The following KDM4B variants were observed in gnomAD, a reference collection of about 807,000 sequenced individuals.
The protein encoded by KDM4B is lysine demethylase 4B, also known as lysine-specific demethylase 4B.
In KDM4B, 32 loss-of-function variants were observed where a neutral mutation model predicts 125.2. That is an observed-to-expected ratio of 0.26 (90% CI 0.19 to 0.34). The LOEUF (loss-of-function observed/expected upper bound fraction) is 0.34. KDM4B is among the 10% of genes least tolerant of loss of function. The probability of loss-of-function intolerance (pLI) is 1.00; values close to 1 mark genes in which losing one functional copy is unlikely to be tolerated. For synonymous variants in KDM4B, 721 were observed against 677.9 expected (o/e 1.06, Z -0.99); for missense variants, 1,190 against 1,577.7 (o/e 0.75, Z 4.16).
chr19:5,118,204 G>A (rs959363206), intron 10 of KDM4B, among the ~76,000 whole-genome samples: 1 of 152,238 alleles, frequency 6.6e-6, no homozygotes, highest in Admixed American at 6.5e-5. Flanking sequence ...GGTCCTTGGA[G>A]GGGCAGCTGC....
intron 5 of KDM4B, 46 bp downstream of exon 5, chr19:5,041,297 G>A: frequency 6.8e-7 from 1 of 1,467,000 alleles, no homozygotes; most frequent in Non-Finnish European, 9.5e-7. Flanking sequence ...CTTCCTGGTG[G>A]GTGGTGGTGG....
chr19:5,080,207 G>A lies in KDM4B; in HGVS notation c.781-2160G>A, dbSNP rs553986090. Among the ~76,000 whole-genome samples, 217 of 152,356 alleles carry A rather than the reference G, an allele frequency of 1.4e-3. 2 individuals are homozygous for A. The highest frequency in any genetic ancestry group is 3.4e-3 in the Middle Eastern group (1 of 294). The stretch of plus-strand genomic sequence containing the variant: ...AATATCACAGTGTTCTTAAGGACTG[G>A]CATTTTTCCAAGCTGTGTCAGTTTT... On this transcript the variant is annotated intron_variant, in intron 8 of 22. Transcript: ENST00000159111.
chr19:5,131,661 A>AGGGGGGGTGGGGCCGGGGAGGAGGGGG, intron 12 of KDM4B, 116 bp downstream of exon 12: 2 of 191,680 alleles, frequency 1.0e-5, no homozygotes, highest in Non-Finnish European at 1.8e-5. Context: ...GGAGGAGGGG[A>AGGGGGGGTGGGGCCGGGGAGGAGGGGG]CAGGAGGGCT....
At chr19:5,064,596 C>G (rs79484674) in intron 6 of KDM4B, among the ~76,000 whole-genome samples, 7,128 of 152,206 alleles carry the variant, frequency 0.047, 230 homozygotes, top group Non-Finnish European at 0.074. Context: ...GAAAGCTACA[C>G]GAATCTTAAA....
chr19:5,043,978 G>T lies in KDM4B; in HGVS notation c.432+2727G>T, dbSNP rs546392250. On this transcript the variant is annotated intron_variant, in intron 5 of 22. Transcript: ENST00000159111. The stretch of plus-strand genomic sequence containing the variant: ...CCGCGTGGTGGTTATCGGAGTGGGG[G>T]TGTCCACCTTATCCCGCGTGGTGTT... Among the ~76,000 whole-genome samples, 157 of 140,734 alleles carry T rather than the reference G, an allele frequency of 1.1e-3. 2 individuals carry two copies. Among genetic ancestry groups the T allele is most frequent in the African/African-American group, 3.9e-3 (141 of 36,300 alleles). 92.3% of individuals were successfully genotyped at this position (140,734 alleles called of 152,430 possible).
chr19:4,984,385 C>T (rs1033975684), intron 1 of KDM4B, among the ~76,000 whole-genome samples: 6 of 152,150 alleles, frequency 3.9e-5, no homozygotes, highest in African/African-American at 7.2e-5. Flanking sequence ...GTTAAGGAGC[C>T]GTGGAAGTGA....
chr19:5,114,052 T>G lies in KDM4B; in HGVS notation c.1115+3234T>G. 3 of 1,288,036 alleles carry G rather than the reference T, an allele frequency of 2.3e-6. No individual in the cohort carries two copies. The highest frequency in any genetic ancestry group is 3.0e-6 in the Non-Finnish European group (3 of 987,874). 79.8% of individuals were successfully genotyped at this position (1,288,036 alleles called of 1,614,324 possible). A position where few individuals can be genotyped will look rare whatever the true frequency, so the allele number is the denominator to read the frequency against. ...CCCTGATGGATGGGTCGCCTAAAAC[T>G]GCAGCCTGGCTCCTGGCGGGTGCCC... is the stretch of plus-strand genomic sequence containing the variant. On this transcript the variant is annotated intron_variant, in intron 10 of 22. Coordinates refer to ENST00000159111, the MANE Select transcript of KDM4B (RefSeq NM_015015.3). The surrounding 1 kb of genome is among the most constrained non-coding windows in gnomAD (Gnocchi z 5.8).
intron 1 of KDM4B, among the ~76,000 whole-genome samples, chr19:4,978,611 C>G (rs1415089982): frequency 1.3e-5 from 2 of 151,028 alleles, no homozygotes; most frequent in Admixed American, 1.3e-4. Flanking sequence ...TTTGGCCCCT[C>G]TAGCCACGGG....
At chr19:5,097,245 C>T (rs924382355) in intron 9 of KDM4B, among the ~76,000 whole-genome samples, 5 of 152,140 alleles carry the variant, frequency 3.3e-5, no homozygotes, top group African/African-American at 7.2e-5. Flanking sequence ...ATCCAGGCTT[C>T]GTGGTTTTGT....
At chr19:5,143,846 A>G in intron 18 of KDM4B, 121 bp from the exon 19 acceptor site, 1 of 779,684 alleles carries the variant, frequency 1.3e-6, no homozygotes, top group Non-Finnish European at 2.0e-6. Context: ...CACTGGGCAG[A>G]GCGCAGGGCC....
intron 9 of KDM4B, among the ~76,000 whole-genome samples, chr19:5,093,277 G>A (rs1003867454): frequency 4.6e-5 from 7 of 152,214 alleles, no homozygotes; most frequent in African/African-American, 1.7e-4. Context: ...TTTAGGGAGG[G>A]CCAAAGGGGA....
chr19:5,140,371 C>G (rs1270148297), intron 18 of KDM4B: 1 of 152,484 alleles, frequency 6.6e-6, no homozygotes, highest in Non-Finnish European at 1.5e-5. Context: ...GCTGTCCACG[C>G]CTGCTGGAAA....
intron 8 of KDM4B, among the ~76,000 whole-genome samples, chr19:5,079,845 G>A (rs981040396): frequency 9.3e-6 from 1 of 107,978 alleles, no homozygotes; most frequent in East Asian, 1.5e-3. Context: ...GGGATTACAG[G>A]TGTGAGCACC....
At chr19:4,980,723 C>T (rs1029428885) in intron 1 of KDM4B, among the ~76,000 whole-genome samples, 6 of 152,074 alleles carry the variant, frequency 3.9e-5, no homozygotes, top group African/African-American at 1.4e-4. Flanking sequence ...CCACCGCGCC[C>T]GGCCCACTTT....
chr19:5,024,943 C>T (rs781449404), intron 2 of KDM4B, among the ~76,000 whole-genome samples: 21 of 152,306 alleles, frequency 1.4e-4, no homozygotes, highest in South Asian at 4.1e-4. Flanking sequence ...AGCGAGACTC[C>T]GTCTCAAAAA....
chr19:4,998,851 T>C (rs1190814302), intron 1 of KDM4B, among the ~76,000 whole-genome samples: 1 of 152,204 alleles, frequency 6.6e-6, no homozygotes, highest in East Asian at 1.9e-4. Flanking sequence ...CAGGACCAGA[T>C]TCAGGCCACA....
intron 6 of KDM4B, among the ~76,000 whole-genome samples, chr19:5,061,237 C>G (rs919214747): frequency 6.6e-6 from 1 of 151,784 alleles, no homozygotes; most frequent in Non-Finnish European, 1.5e-5. Context: ...GGGCGGCTCT[C>G]CCCATCCCAG....
chr19:5,034,459 C>A (rs1413122817), intron 3 of KDM4B, among the ~76,000 whole-genome samples: 1 of 152,240 alleles, frequency 6.6e-6, no homozygotes, highest in Admixed American at 6.5e-5. Context: ...CAACATTATT[C>A]CTGGATGCTG....
chr19:4,972,243 T>C (rs983151718), intron 1 of KDM4B, among the ~76,000 whole-genome samples: 1 of 152,150 alleles, frequency 6.6e-6, no homozygotes, highest in Non-Finnish European at 1.5e-5. Flanking sequence ...GGCTTCAGAG[T>C]TGGAGAGACC....
Sources: gnomAD v4.1 joint callset for allele counts (sites outside exome capture counted in the v4.1 genomes callset) on GRCh38, gnomAD v4.1.1 for gene constraint, Gnocchi (gnomAD v3.1) non-coding constraint, MANE v1.5 for transcripts, NCBI Gene and HGNC (gene_info 2026-07-23, HGNC 2026-07-21) for gene names.